MECOM: variants seen among roughly 807,000 people sequenced by gnomAD.
MECOM encodes the protein MDS1 and EVI1 complex locus, also known as histone-lysine N-methyltransferase MECOM.
Under a neutral mutation model 116.3 loss-of-function variants are expected in MECOM, and 13 were observed. The observed-to-expected ratio is 0.11, with a 90% CI of 0.07 to 0.18. The LOEUF is 0.18. Among genes scored for constraint, MECOM ranks in the 10% least tolerant of loss-of-function variants. The pLI is 1.00. For missense variants in MECOM, 1,299 were observed against 1,509.0 expected, an observed-to-expected ratio of 0.86 and a Z score of 2.31; for synonymous variants, 528 against 535.2, an observed-to-expected ratio of 0.99 and a Z score of 0.19.
At chr3:169,231,764 C>T (rs1353031843) in intron 2 of MECOM, among the ~76,000 whole-genome samples, 2 of 149,298 alleles carry the variant, frequency 1.3e-5, no homozygotes, top group Admixed American at 6.7e-5. Flanking sequence ...CATACATGGT[C>T]CCATGACCAG....
intron 2 of MECOM, among the ~76,000 whole-genome samples, chr3:169,304,951 A>C (rs1019651797): frequency 5.3e-5 from 8 of 152,214 alleles, no homozygotes; most frequent in African/African-American, 1.9e-4. Context: ...GCTGATACTC[A>C]AAAAACATTT....
At chr3:169,544,490 C>T (rs540329363) in intron 1 of MECOM, among the ~76,000 whole-genome samples, 2 of 152,300 alleles carry the variant, frequency 1.3e-5, no homozygotes, top group East Asian at 1.9e-4. Context: ...ATGGTGTAAA[C>T]GTGTTCCTAT....
In MECOM at chr3:169,270,061, A is replaced by C. The variant is rs78297205; in HGVS notation, c.375+111126T>G. 2.0e-3 allele frequency among the ~76,000 whole-genome samples: 302 copies of C among 152,244 alleles called. 3 individuals are homozygous for C. The highest frequency in any genetic ancestry group is 6.7e-3 in the African/African-American group (279 of 41,568). On this transcript the variant is annotated intron_variant, in intron 2 of 16. Transcript: ENST00000651503. ...ATTTACCTTACAGAGTCATTAAAAA[A>C]TAATCATTTCATTGTGCATATTCAA...
At chr3:169,290,363 T>C (rs536153856) in intron 2 of MECOM, among the ~76,000 whole-genome samples, 23 of 152,296 alleles carry the variant, frequency 1.5e-4, no homozygotes, top group Admixed American at 5.9e-4. Context: ...CCAGATTTAT[T>C]AGTTATTCCT....
intron 1 of MECOM, among the ~76,000 whole-genome samples, chr3:169,407,650 C>G (rs952054076): frequency 3.9e-5 from 6 of 152,200 alleles, no homozygotes; most frequent in African/African-American, 1.4e-4. Context: ...TACTTCCTCA[C>G]ACATAATCCA....
At chr3:169,333,995 C>G (rs1723172879) in intron 2 of MECOM, among the ~76,000 whole-genome samples, 1 of 149,610 alleles carries the variant, frequency 6.7e-6, no homozygotes, top group African/African-American at 2.5e-5. Context: ...TGAGGCATCT[C>G]TCTAGACCTT....
chr3:169,180,794 G>GATATATATATATATATAT (rs10576266), intron 2 of MECOM, among the ~76,000 whole-genome samples: 1,916 of 108,562 alleles, frequency 0.018, 154 homozygotes, highest in East Asian at 0.028. Context: ...GTGTGGAGAT[G>GATATATATATATATATAT]ATATATATAT....
At chr3:169,335,637 A>G (rs1245310575) in intron 2 of MECOM, among the ~76,000 whole-genome samples, 1 of 152,156 alleles carries the variant, frequency 6.6e-6, no homozygotes, top group Admixed American at 6.6e-5. Context: ...AGAACCCCAC[A>G]GTTGATAGGA....
In MECOM at chr3:169,115,984, C is replaced by T. The variant is rs758280252; in HGVS notation, c.1888G>A (p.Ala630Thr). The T allele has an allele frequency of 6.2e-7, 1 of 1,614,106 alleles. No individual in the cohort carries two copies. Among genetic ancestry groups the T allele is most frequent in the Admixed American group, 1.7e-5 (1 of 60,012 alleles). Residue 630 changes from alanine (A) to threonine (T), a missense_variant, in exon 8 of 17, where the codon GCT becomes ACT. Physicochemically the swap from Ala to Thr is moderately conservative, Grantham distance 58. Around this residue, in one of 6 missense-constraint regions of MECOM, gnomAD observed 238 missense variants for 273.1 expected, o/e 0.87. Coordinates refer to ENST00000651503, the MANE Select transcript of MECOM (RefSeq NM_004991.4). ...KDKVSPLQNL[A>T]SINNKKEYSN... ...TATTCTTTCTTATTATTTATTGAAG[C>T]CAGATTCTGAAGAGGGCTTACTTTG...
intron 13 of MECOM, among the ~76,000 whole-genome samples, chr3:169,093,510 A>C (rs576314136): frequency 6.6e-6 from 1 of 152,246 alleles, no homozygotes; most frequent in South Asian, 2.1e-4. Context: ...TTATTTATTT[A>C]TTTATTTTTT....
At chr3:169,447,162 T>A (rs1234029940) in intron 1 of MECOM, among the ~76,000 whole-genome samples, 1 of 152,138 alleles carries the variant, frequency 6.6e-6, no homozygotes, top group Admixed American at 6.5e-5. Context: ...ACCACCCAAT[T>A]TCTTGACCCC....
chr3:169,475,573 A>G (rs75403088), intron 1 of MECOM, among the ~76,000 whole-genome samples: 13 of 151,706 alleles, frequency 8.6e-5, no homozygotes, highest in African/African-American at 2.7e-4. Context: ...AGTGACTAAA[A>G]AGTCGAAGTT....
At chr3:169,411,378 T>A (rs1342770708) in intron 1 of MECOM, among the ~76,000 whole-genome samples, 1 of 152,182 alleles carries the variant, frequency 6.6e-6, no homozygotes, top group Non-Finnish European at 1.5e-5. Context: ...TTCTTGAAAC[T>A]CTCTCTGTTA....
chr3:169,320,428 A>T (rs1256780328), intron 2 of MECOM, among the ~76,000 whole-genome samples: 1 of 152,206 alleles, frequency 6.6e-6, no homozygotes, highest in Non-Finnish European at 1.5e-5. Context: ...GTCCCTGAGG[A>T]GGAAGGATAA....
chr3:169,375,141 G>C (rs1418680123), intron 2 of MECOM, among the ~76,000 whole-genome samples: 1 of 151,754 alleles, frequency 6.6e-6, no homozygotes, highest in Non-Finnish European at 1.5e-5. Context: ...CAGTTTCCCA[G>C]GTAGAAAGAA....
chr3:169,229,332 A>C (rs536205999), intron 2 of MECOM, among the ~76,000 whole-genome samples: 2 of 152,222 alleles, frequency 1.3e-5, no homozygotes, highest in East Asian at 3.8e-4. Flanking sequence ...ACACCAAATA[A>C]GTCACAAGAG....
At chr3:169,100,101 C>CTTTCTTTCTTT (rs1196989981) in intron 12 of MECOM, among the ~76,000 whole-genome samples, 129 of 50,634 alleles carry the variant, frequency 2.5e-3, no homozygotes, top group Middle Eastern at 0.019. Context: ...TTCTTTCTTT[C>CTTTCTTTCTTT]TTTTTTTTTT....
At chr3:169,207,593 T>A (rs1750112928) in intron 2 of MECOM, among the ~76,000 whole-genome samples, 1 of 152,278 alleles carries the variant, frequency 6.6e-6, no homozygotes, top group South Asian at 2.1e-4. Flanking sequence ...TAAGTACATA[T>A]GTGTATAAAT....
intron 1 of MECOM, among the ~76,000 whole-genome samples, chr3:169,413,724 A>C (rs1738009778): frequency 6.6e-6 from 1 of 152,034 alleles, no homozygotes; most frequent in Non-Finnish European, 1.5e-5. Flanking sequence ...GCCATTACTG[A>C]GGCTTGAGTA....
Sources: allele counts gnomAD v4.1 joint callset (sites outside exome capture counted in the v4.1 genomes callset), GRCh38; gene constraint gnomAD v4.1.1; regional missense constraint gnomAD v4.1.1; transcripts MANE v1.5; gene names NCBI Gene and HGNC (gene_info 2026-07-23, HGNC 2026-07-21).